The following VEZT variants were observed in gnomAD, a reference collection of about 807,000 sequenced individuals.
VEZT encodes the protein vezatin.
A neutral mutation model predicts 79.9 loss-of-function variants in VEZT; 39 were observed. The ratio of observed to expected loss-of-function variants is 0.49; its 90% CI spans 0.38 to 0.64. VEZT has a LOEUF of 0.64. Among genes scored for constraint, VEZT ranks in the 30% least tolerant of loss-of-function variants. The probability of loss-of-function intolerance (pLI) is 0.00; values close to 1 mark genes in which losing one functional copy is unlikely to be tolerated. For missense variants in VEZT, 837 were observed against 893.1 expected (o/e 0.94, Z 0.80); for synonymous variants, 325 against 327.6 (o/e 0.99, Z 0.09).
chr12:95,289,349 G>A (rs1182443237), intron 9 of VEZT, among the ~76,000 whole-genome samples: 5 of 147,166 alleles, frequency 3.4e-5, no homozygotes, highest in African/African-American at 7.5e-5. Flanking sequence ...CCCAGGAGGC[G>A]GAGCTTGCAG....
At chr12:95,224,781 T>C (rs2058167580) in intron 1 of VEZT, among the ~76,000 whole-genome samples, 1 of 152,220 alleles carries the variant, frequency 6.6e-6, no homozygotes, top group South Asian at 2.1e-4. Flanking sequence ...TACATCCTAA[T>C]GCACAGTGAC....
At position 95,263,044 on chromosome 12, in the gene VEZT, C is replaced by T. The variant is rs574032353; in HGVS notation, c.397C>T (p.Leu133Phe). The change falls in exon 4 of 12, where the codon CTT (leucine) becomes TTT (phenylalanine). Residue 133 changes from leucine (L) to phenylalanine (F), a missense_variant. Transcript: ENST00000436874. ...ATCTCAACAACAGGAAAATGGACAC[C>T]TTCCAACACTTTGCTCCCTGGCAAC... Reference protein sequence around the residue: ...GQSQQQENGHLPTLCSLATPN... With the variant: ...GQSQQQENGHFPTLCSLATPN... 1.9e-6 allele frequency: 3 copies of T among 1,611,460 alleles called. No individual in the cohort carries two copies. In the Admixed American group the frequency reaches 5.0e-5, roughly 27 times the overall value.
At chr12:95,268,042 A>C (rs2065858696) in intron 5 of VEZT, among the ~76,000 whole-genome samples, 1 of 151,474 alleles carries the variant, frequency 6.6e-6, no homozygotes, top group Non-Finnish European at 1.5e-5. Context: ...GTTGGGCAAC[A>C]GACTTGGTCT....
chr12:95,231,542 A>G, intron 1 of VEZT: 1 of 152,176 alleles, frequency 6.6e-6, no homozygotes, highest in East Asian at 1.9e-4. Context: ...GAACCATGCT[A>G]TCTGTGAGTA....
At chr12:95,220,040 C>G (rs1343296903) in intron 1 of VEZT, among the ~76,000 whole-genome samples, 1 of 152,140 alleles carries the variant, frequency 6.6e-6, no homozygotes, top group Non-Finnish European at 1.5e-5. Context: ...TTTGTTTGCT[C>G]TTTGATATAC....
At chr12:95,221,615 G>A (rs903988631) in intron 1 of VEZT, among the ~76,000 whole-genome samples, 1 of 151,648 alleles carries the variant, frequency 6.6e-6, no homozygotes. Flanking sequence ...GGCTAAGGTA[G>A]GAATATTGCT....
rs1473620681 is a variant in VEZT at position 95,282,414 on chromosome 12, A to G, written c.1098A>G (p.Pro366=). The G allele has an allele frequency of 1.2e-6, 2 of 1,613,830 alleles. No homozygotes were observed. The highest frequency in any genetic ancestry group is 1.7e-6 in the Non-Finnish European group (2 of 1,179,882). ...CACCTCCTGGGCCCTTACTTACTCC[A>G]GCACTTCTGCCTCATCGTATCTTAT... ...ANSPPGPLLT[P]ALLPHRILSD... Residue 366 remains proline, a synonymous_variant, in exon 8 of 12, where the codon CCA becomes CCG. Coordinates refer to ENST00000436874, the MANE Select transcript of VEZT (RefSeq NM_017599.4).
intron 9 of VEZT, among the ~76,000 whole-genome samples, chr12:95,291,027 G>C (rs2072643141): frequency 6.6e-6 from 1 of 152,112 alleles, no homozygotes; most frequent in African/African-American, 2.4e-5. Flanking sequence ...CACTTTGGGA[G>C]CCCAAGGAGG....
Position 95,282,431 on chromosome 12 carries a change from G to C in VEZT, c.1115G>C (p.Arg372Pro), listed in dbSNP as rs77931287. 3 of 1,613,828 alleles carry C rather than the reference G, an allele frequency of 1.9e-6. No individual in the cohort carries two copies. The highest frequency in any genetic ancestry group is 2.5e-6 in the Non-Finnish European group (3 of 1,179,858). The change falls in exon 8 of 12, where the codon CGT becomes CCT. Residue 372 changes from arginine to proline, a missense_variant. Transcript: ENST00000436874. The part of the protein sequence containing the change: ...PLLTPALLPH[R>P]ILSDVTQGLP... ...CTTACTCCAGCACTTCTGCCTCATC[G>C]TATCTTATCTGATGTGACTCAAGGT...
intron 6 of VEZT, among the ~76,000 whole-genome samples, chr12:95,271,229 G>A (rs2066530582): frequency 6.6e-6 from 1 of 152,082 alleles, no homozygotes; most frequent in Admixed American, 6.5e-5. Context: ...ATGAAATGGA[G>A]AGAAAGCATT....
intron 1 of VEZT, among the ~76,000 whole-genome samples, chr12:95,235,276 C>G (rs1268875953): frequency 1.8e-5 from 1 of 56,492 alleles, no homozygotes; most frequent in African/African-American, 1.8e-4. Context: ...GGCGGCTGGC[C>G]GGGCGGGGGC....
Position 95,295,346 on chromosome 12 carries a change from G to C in VEZT, c.1624-705G>C, listed in dbSNP as rs186859137. 4.1e-4 allele frequency among the ~76,000 whole-genome samples: 63 copies of C among 152,144 alleles called. 1 individual carries two copies. Among genetic ancestry groups the C allele is most frequent in the Admixed American group, 3.3e-3 (51 of 15,272 alleles). The stretch of plus-strand genomic sequence containing the variant: ...TGGCTAATTTTTGTAGTTTTTAGTA[G>C]AGACAGGGTTTCACCATCTTGGCCA... On this transcript the variant is annotated intron_variant, in intron 10 of 11. Transcript: ENST00000436874.
At position 95,282,635 on chromosome 12, in the gene VEZT, T is replaced by C; in HGVS notation, c.1319T>C (p.Leu440Ser). 1 of 1,596,818 alleles carries C rather than the reference T, an allele frequency of 6.3e-7. No homozygotes were observed. The highest frequency in any genetic ancestry group is 1.1e-5 in the South Asian group (1 of 88,980). The change falls in exon 8 of 12, where the codon TTA (leucine) becomes TCA (serine). Residue 440 changes from leucine to serine, a missense_variant. Physicochemically the swap from Leu to Ser is moderately radical, Grantham distance 145. Transcript: ENST00000436874. ...AGCTTGCAGCTCCATCTGAAAGCAT[T>C]ACTGAATGAGTAAGTTTAGAAATTA... ...VRSLQLHLKA[L>S]LNEVIILEDE...
At chr12:95,282,251 G>A in intron 7 of VEZT, 62 bp from the exon 8 acceptor site, 1 of 1,392,514 alleles carries the variant, frequency 7.2e-7, no homozygotes, top group Non-Finnish European at 9.5e-7. Context: ...CAAATTTATA[G>A]TTTGTTTTGA....
chr12:95,256,675 A>G (rs1593513288), intron 2 of VEZT: 1 of 1,015,428 alleles, frequency 9.8e-7, no homozygotes, highest in Non-Finnish European at 1.3e-6. Flanking sequence ...TCAATATATG[A>G]CAGTTTTTCT....
intron 7 of VEZT, among the ~76,000 whole-genome samples, chr12:95,277,593 A>G (rs983927795): frequency 6.6e-6 from 1 of 152,190 alleles, no homozygotes; most frequent in African/African-American, 2.4e-5. Flanking sequence ...GAAAATAAAG[A>G]TTTTTTTCAA....
At chr12:95,224,886 C>A (rs1218359967) in intron 1 of VEZT, among the ~76,000 whole-genome samples, 1 of 152,172 alleles carries the variant, frequency 6.6e-6, no homozygotes, top group Non-Finnish European at 1.5e-5. Flanking sequence ...GATCATCAGG[C>A]ATTAGTTAGA....
chr12:95,252,154 A>C, intron 2 of VEZT, 83 bp downstream of exon 2: 2 of 1,426,180 alleles, frequency 1.4e-6, no homozygotes, highest in South Asian at 3.1e-5. Context: ...AAGCACTTCC[A>C]TATCCTCCCT....
chr12:95,248,426 A>G (rs1004205422), intron 1 of VEZT, among the ~76,000 whole-genome samples: 2 of 152,240 alleles, frequency 1.3e-5, no homozygotes, highest in African/African-American at 4.8e-5. Context: ...TATACAGAAC[A>G]TATTTGAAGA....
Sources: gnomAD v4.1 joint callset for allele counts (sites outside exome capture counted in the v4.1 genomes callset) on GRCh38, gnomAD v4.1.1 for gene constraint, MANE v1.5 for transcripts, NCBI Gene and HGNC (gene_info 2026-07-23, HGNC 2026-07-21) for gene names.